Variants in CUBN observed in about 807,000 individuals in gnomAD.
CUBN encodes cubilin.
A neutral mutation model predicts 405.3 loss-of-function variants in CUBN; 282 were observed. The ratio of observed to expected loss-of-function variants is 0.70; its 90% CI spans 0.63 to 0.77. CUBN has a LOEUF of 0.77. CUBN is among the 30% of genes least tolerant of loss of function. The pLI is 0.00. For synonymous variants in CUBN, 1,684 were observed against 1,617.0 expected (o/e 1.04, Z -0.99); for missense variants, 4,514 against 4,475.2 (o/e 1.01, Z -0.25).
intron 31 of CUBN, among the ~76,000 whole-genome samples, chr10:16,961,704 CTTTTTTTTTTTTTTT>C (rs138499807): frequency 4.1e-5 from 3 of 74,038 alleles, no homozygotes; most frequent in Non-Finnish European, 7.4e-5. Context: ...AAAGCAATCC[CTTTTTTTTTTTTTTT>C]TTTTTTTTTT....
chr10:16,862,160 T>TCTCACACACACACACACACACACACA (rs144560387), intron 59 of CUBN, among the ~76,000 whole-genome samples: 8 of 131,164 alleles, frequency 6.1e-5, no homozygotes, highest in African/African-American at 2.6e-4. Flanking sequence ...TCTCTCTCTC[T>TCTCACACACACACACACACACACACA]CACACACACA....
intron 29 of CUBN, among the ~76,000 whole-genome samples, chr10:16,988,633 ACT>A (rs1398431202): frequency 6.6e-6 from 1 of 152,128 alleles, no homozygotes; most frequent in East Asian, 1.9e-4. Flanking sequence ...ATTCCTAGTG[ACT>A]CTCACTGAGG....
In CUBN at chr10:16,984,289, G is replaced by A. The variant is rs753719838; in HGVS notation, c.4351-10C>T. The A allele has an allele frequency of 6.2e-7, 1 of 1,613,336 alleles. No individual in the cohort carries two copies. The highest frequency in any genetic ancestry group is 8.5e-7 in the Non-Finnish European group (1 of 1,179,294). ...CGGGGCCTCCATAGATCTAACATGG[G>A]ATGTAGGAAAAAAGACTTTAAAAAA... On this transcript the variant is annotated splice_polypyrimidine_tract_variant and intron_variant, in intron 29 of 66. Transcript: ENST00000377833.
chr10:16,906,064 T>G lies in CUBN; in HGVS notation c.7912+139A>C, dbSNP rs979000155. ...GGGAGGTTGAGGCTGCAGTGAGTTA[T>G]GATCACACCACTGCACTCCAGTCCG... On this transcript the variant is annotated intron_variant, in intron 50 of 66. Coordinates refer to ENST00000377833, the MANE Select transcript of CUBN (RefSeq NM_001081.4). The G allele has an allele frequency of 8.2e-6, 6 of 736,044 alleles. No individual in the cohort carries two copies. In the African/African-American group the frequency reaches 1.0e-4, roughly 13 times the overall value. 45.6% of individuals were successfully genotyped at this position (736,044 alleles called of 1,614,324 possible).
At chr10:17,040,992 A>G (rs1453828491) in intron 27 of CUBN, 41 bp downstream of exon 27, 2 of 1,571,194 alleles carry the variant, frequency 1.3e-6, no homozygotes, top group South Asian at 2.2e-5. Context: ...ATCTCCCTTG[A>G]TCTGAAAAAG....
Position 16,984,239 on chromosome 10 carries a change from T to G in CUBN, c.4391A>C (p.Gln1464Pro). ...CTCAGGTGATCTCTGGGTACACAGT[T>G]GGGCTATTCTGGGAGAGTGGAAATC... ...GPDFHSPRIA[Q>P]LCTQRSPENP... The change falls in exon 30 of 67, where the codon CAA becomes CCA. Residue 1464 changes from glutamine to proline, a missense_variant. Gln to Pro is a moderately conservative substitution (Grantham distance 76). Coordinates refer to ENST00000377833, the MANE Select transcript of CUBN (RefSeq NM_001081.4). 6.2e-7 allele frequency: 1 copy of G among 1,614,116 alleles called. No homozygotes were observed.
At chr10:16,837,374 G>C (rs1588572733) in intron 62 of CUBN, among the ~76,000 whole-genome samples, 2 of 151,998 alleles carry the variant, frequency 1.3e-5, no homozygotes, top group East Asian at 3.9e-4. Flanking sequence ...TCTCAAAGCT[G>C]GTTCTCCTTC....
intron 39 of CUBN, among the ~76,000 whole-genome samples, chr10:16,934,928 T>C (rs1842458052): frequency 6.6e-6 from 1 of 152,252 alleles, no homozygotes; most frequent in Middle Eastern, 3.4e-3. Context: ...GAGTTTGAAA[T>C]TGTTTGTTAC....
chr10:17,046,208 A>C (rs1835128849), intron 23 of CUBN, 114 bp from the exon 24 acceptor site: 2 of 909,012 alleles, frequency 2.2e-6, no homozygotes, highest in Non-Finnish European at 3.5e-6. Context: ...TGGATGAAGT[A>C]ATTTCTCTCA....
intron 13 of CUBN, among the ~76,000 whole-genome samples, chr10:17,101,909 T>C (rs185437530): frequency 1.8e-4 from 28 of 152,344 alleles, no homozygotes; most frequent in Non-Finnish European, 3.1e-4. Flanking sequence ...TGGAATGCTG[T>C]AATGTATATG....
At chr10:17,114,564 G>C (rs1001505413) in intron 7 of CUBN, among the ~76,000 whole-genome samples, 1 of 152,184 alleles carries the variant, frequency 6.6e-6, no homozygotes, top group African/African-American at 2.4e-5. Context: ...TCTTTGGAAA[G>C]TTCTTCCTCC....
chr10:16,847,484 A>G (rs1456445005), intron 60 of CUBN, among the ~76,000 whole-genome samples: 1 of 152,160 alleles, frequency 6.6e-6, no homozygotes, highest in East Asian at 1.9e-4. Context: ...TCCAACTAAA[A>G]AAAAAAATGT....
intron 31 of CUBN, among the ~76,000 whole-genome samples, chr10:16,961,582 C>T (rs1002312125): frequency 9.2e-5 from 14 of 151,994 alleles, no homozygotes; most frequent in Non-Finnish European, 1.0e-4. Flanking sequence ...ATAAAGAAGC[C>T]AAGCAAAGGG....
intron 13 of CUBN, 89 bp downstream of exon 13, chr10:17,103,036 G>T (rs535259197): frequency 3.7e-6 from 3 of 809,816 alleles, no homozygotes; most frequent in Middle Eastern, 3.2e-4. Context: ...AATTATCATT[G>T]CATGTATTTT....
intron 59 of CUBN, 64 bp from the exon 60 acceptor site, chr10:16,851,507 G>A (rs1379291735): frequency 1.4e-6 from 2 of 1,427,386 alleles, no homozygotes; most frequent in Non-Finnish European, 2.0e-6. Context: ...TGTACATGGA[G>A]GGTTTTTAAA....
At chr10:17,088,459 T>A in intron 14 of CUBN, 114 bp from the exon 15 acceptor site, 1 of 759,496 alleles carries the variant, frequency 1.3e-6, no homozygotes, top group African/African-American at 1.8e-5. Flanking sequence ...TATGAGCAGT[T>A]TTAGACACCC....
At chr10:17,048,045 GC>G (rs1295849973) in intron 22 of CUBN, among the ~76,000 whole-genome samples, 1 of 152,196 alleles carries the variant, frequency 6.6e-6, no homozygotes, top group African/African-American at 2.4e-5. Flanking sequence ...AAGAATAAGG[GC>G]CCAGGCTCAA....
chr10:16,880,285 C>T (rs141214453), intron 56 of CUBN, among the ~76,000 whole-genome samples: 1 of 152,260 alleles, frequency 6.6e-6, no homozygotes, highest in Non-Finnish European at 1.5e-5. Context: ...GATTGATTGA[C>T]TGATTGATAA....
At chr10:16,852,166 T>C in intron 59 of CUBN, among the ~76,000 whole-genome samples, 1 of 110,346 alleles carries the variant, frequency 9.1e-6, no homozygotes, top group Admixed American at 1.0e-4. Flanking sequence ...TTTCCCTCCC[T>C]CCCTCTATCT....
Sources: gnomAD v4.1 joint callset for allele counts (sites outside exome capture counted in the v4.1 genomes callset) on GRCh38, gnomAD v4.1.1 for gene constraint, MANE v1.5 for transcripts, NCBI Gene and HGNC (gene_info 2026-07-23, HGNC 2026-07-21) for gene names.